Variants in NRDE2 observed in about 807,000 individuals in gnomAD.
NRDE2 encodes nuclear exosome regulator NRDE2.
A neutral mutation model predicts 124.2 loss-of-function variants in NRDE2; 76 were observed. The ratio of observed to expected loss-of-function variants is 0.61; its 90% CI spans 0.51 to 0.74. The LOEUF (loss-of-function observed/expected upper bound fraction) is 0.74, where lower values mean the gene tolerates loss of function less well. NRDE2 is among the 30% of genes least tolerant of loss of function. The probability of loss-of-function intolerance (pLI) is 0.00; values close to 1 mark genes in which losing one functional copy is unlikely to be tolerated. For synonymous variants in NRDE2, 489 were observed against 528.1 expected, an observed-to-expected ratio of 0.93 and a Z score of 1.01; for missense variants, 1,314 against 1,417.3, an observed-to-expected ratio of 0.93 and a Z score of 1.17.
chr14:90,289,646 G>A (rs1254986673), intron 10 of NRDE2, among the ~76,000 whole-genome samples: 1 of 152,188 alleles, frequency 6.6e-6, no homozygotes, highest in Non-Finnish European at 1.5e-5. Context: ...GGAGTGCAAT[G>A]GTGCGATCTC....
At chr14:90,297,974 G>A (rs1247072416) in intron 8 of NRDE2, among the ~76,000 whole-genome samples, 1 of 150,922 alleles carries the variant, frequency 6.6e-6, no homozygotes, top group African/African-American at 2.4e-5. Flanking sequence ...GAGGATTGGG[G>A]CAGTTATTAA....
chr14:90,328,315 A>G (rs1324656562), intron 1 of NRDE2, among the ~76,000 whole-genome samples: 2 of 144,400 alleles, frequency 1.4e-5, no homozygotes, highest in East Asian at 4.0e-4. Flanking sequence ...AAAAAAAAAA[A>G]AAAAAAAAGA....
rs1406434052 is a variant in NRDE2, at chr14:90,278,426, A to T, written c.3405T>A (p.Asp1135Glu). Residue 1135 changes from aspartate to glutamate, a missense_variant, in exon 14 of 14, where the codon GAT becomes GAA. Transcript: ENST00000354366. ...LYLDAVEYFP[D>E]EMQEILDLMT... Reference sequence around the variant, plus strand: ...TCAGGTCCAGGATCTCCTGCATCTCATCGGGGAAATACTCCACGGCGTCCA... The same window carrying T: ...TCAGGTCCAGGATCTCCTGCATCTCTTCGGGGAAATACTCCACGGCGTCCA... 2 of 1,611,922 alleles carry T rather than the reference A, an allele frequency of 1.2e-6. No homozygotes were observed. Among genetic ancestry groups the T allele is most frequent in the African/African-American group, 1.3e-5 (1 of 74,934 alleles).
At chr14:90,286,738 G>A (rs78466601) in intron 11 of NRDE2, among the ~76,000 whole-genome samples, 4,992 of 152,220 alleles carry the variant, frequency 0.033, 108 homozygotes, top group Non-Finnish European at 0.05. Context: ...AAACCCACTC[G>A]CCTCTGTTTT....
At chr14:90,320,218 A>G (rs1310722495) in intron 1 of NRDE2, among the ~76,000 whole-genome samples, 1 of 152,232 alleles carries the variant, frequency 6.6e-6, no homozygotes, top group African/African-American at 2.4e-5. Flanking sequence ...GTAATTTATA[A>G]AGGAAAGAGG....
At chr14:90,307,628 C>G (rs770080991) in intron 4 of NRDE2, among the ~76,000 whole-genome samples, 1 of 152,190 alleles carries the variant, frequency 6.6e-6, no homozygotes, top group Non-Finnish European at 1.5e-5. Flanking sequence ...CCCGCCTCAG[C>G]ACTTTGGGAG....
Position 90,278,353 on chromosome 14 carries a change from G to GCTCCAGCTC in NRDE2, c.3469_3477dup (p.Glu1157_Glu1159dup). The GCTCCAGCTC allele has an allele frequency of 3.1e-6, 5 of 1,614,120 alleles. No individual in the cohort carries two copies. The highest frequency in any genetic ancestry group is 4.2e-6 in the Non-Finnish European group (5 of 1,179,966). ...GCTGCTCTCTAATCCTCCAGCAGCA[G>GCTCCAGCTC]CTCCAGCTCCTCCAGCGGCAGGCGC... On this transcript the variant is annotated inframe_insertion, in exon 14 of 14. Coordinates refer to ENST00000354366, the MANE Select transcript of NRDE2 (RefSeq NM_017970.4).
intron 12 of NRDE2, among the ~76,000 whole-genome samples, chr14:90,282,863 C>T (rs1173974410): frequency 1.3e-5 from 2 of 152,132 alleles, no homozygotes; most frequent in African/African-American, 4.8e-5. Flanking sequence ...GACAGGGTTT[C>T]TCCATATTGG....
At position 90,289,038 on chromosome 14, in the gene NRDE2, G is replaced by C; in HGVS notation, c.2337C>G (p.Asn779Lys). 6.2e-7 allele frequency: 1 copy of C among 1,614,178 alleles called. No homozygotes were observed. Among genetic ancestry groups the C allele is most frequent in the Non-Finnish European group, 8.5e-7 (1 of 1,180,012 alleles). Reference protein sequence around the residue: ...NLLKEPENCNNFCLWKQYAHL... With the variant: ...NLLKEPENCNKFCLWKQYAHL... ...GTGCATACTGCTTCCACAGGCAAAA[G>C]TTGTTGCAGTTTTCTGGCTCCTTAA... Residue 779 changes from asparagine to lysine, a missense_variant, in exon 11 of 14, where the codon AAC (asparagine) becomes AAG (lysine). By Grantham distance (94) the Asn-to-Lys change is moderately conservative. Transcript: ENST00000354366.
intron 1 of NRDE2, among the ~76,000 whole-genome samples, chr14:90,322,498 C>A (rs1305667469): frequency 6.6e-6 from 1 of 151,914 alleles, no homozygotes; most frequent in African/African-American, 2.4e-5. Flanking sequence ...ATGTTTATAC[C>A]CCCAACACCT....
intron 7 of NRDE2, among the ~76,000 whole-genome samples, chr14:90,300,813 C>G (rs144158484): frequency 0.037 from 283 of 7,618 alleles, no homozygotes; most frequent in African/African-American, 0.13. Context: ...CAACTGTTTC[C>G]CTGACTAGGG....
At chr14:90,285,319 T>G (rs1555359367) in intron 12 of NRDE2, among the ~76,000 whole-genome samples, 2 of 147,360 alleles carry the variant, frequency 1.4e-5, no homozygotes, top group Non-Finnish European at 3.0e-5. Context: ...TTCTTTTTTT[T>G]GAGACGGAGT....
rs201423320 is a variant in NRDE2 at position 90,288,409 on chromosome 14, T to C, written c.2966A>G (p.Gln989Arg). The change falls in exon 11 of 14, where the codon CAG becomes CGG. Residue 989 changes from glutamine (Q) to arginine (R), a missense_variant. Transcript: ENST00000354366. ...PLAPLREALS[Q>R]ALKLYPGNQV... ...GTTGCCTGGATACAACTTTAAAGCC[T>C]GTGAGAGTGCCTCTCGCAGAGGGGC... 3 of 1,614,204 alleles carry C rather than the reference T, an allele frequency of 1.9e-6. No individual in the cohort carries two copies. In the East Asian group the frequency reaches 6.7e-5, roughly 36 times the overall value.
At chr14:90,331,478 A>C (rs1194120455) in intron 1 of NRDE2, among the ~76,000 whole-genome samples, 1 of 152,262 alleles carries the variant, frequency 6.6e-6, no homozygotes, top group African/African-American at 2.4e-5. Flanking sequence ...TGTAATAAAA[A>C]CATTCTGCAT....
In NRDE2 at chr14:90,273,202, A is replaced by C. The variant is rs1368276906; in HGVS notation, c.*5134T>G. On this transcript the variant is annotated 3_prime_UTR_variant, in exon 14 of 14. Transcript: ENST00000354366. ...GGTGTGGGTTGTAGGGCCCACACTG[A>C]ATGAGGAGTGTGTATTAGTTTTCTG... 1 of 152,066 alleles carries C rather than the reference A, an allele frequency of 6.6e-6. No individual in the cohort carries two copies. Among genetic ancestry groups the C allele is most frequent in the East Asian group, 1.9e-4 (1 of 5,194 alleles). 9.4% of individuals were successfully genotyped at this position (152,066 alleles called of 1,614,324 possible).
chr14:90,303,852 C>A, intron 5 of NRDE2, 83 bp downstream of exon 5: 1 of 1,270,984 alleles, frequency 7.9e-7, no homozygotes, highest in South Asian at 1.4e-5. Flanking sequence ...CTCATTTGCT[C>A]AAAAATTGCT....
Position 90,298,248 on chromosome 14 carries a change from G to A in NRDE2, c.1666+12C>T, listed in dbSNP as rs1884253114. On this transcript the variant is annotated intron_variant, in intron 8 of 13. Coordinates refer to ENST00000354366, the MANE Select transcript of NRDE2 (RefSeq NM_017970.4). ...AAACAGAAGTACACGTCTTCAATGAGAGGTGACTTACCTGGGTTGATGACC... is the reference window on the plus strand; with the variant it reads ...AAACAGAAGTACACGTCTTCAATGAAAGGTGACTTACCTGGGTTGATGACC... 1 of 1,612,526 alleles carries A rather than the reference G, an allele frequency of 6.2e-7. No homozygotes were observed.
At chr14:90,301,641 A>T (rs1360338654) in intron 6 of NRDE2, 1 of 447,200 alleles carries the variant, frequency 2.2e-6, no homozygotes, top group Admixed American at 3.2e-5. Flanking sequence ...ATAAGTCAAG[A>T]GGTTGGTCTG....
At chr14:90,311,468 G>A (rs1402876043) in intron 4 of NRDE2, among the ~76,000 whole-genome samples, 1 of 152,068 alleles carries the variant, frequency 6.6e-6, no homozygotes, top group Admixed American at 6.6e-5. Context: ...TGAGTGTCAC[G>A]AGATCTGATG....
Sources: gnomAD v4.1 joint callset for allele counts (sites outside exome capture counted in the v4.1 genomes callset) on GRCh38, gnomAD v4.1.1 for gene constraint, MANE v1.5 for transcripts, NCBI Gene and HGNC (gene_info 2026-07-23, HGNC 2026-07-21) for gene names.